Variants in DNAH11 observed in about 807,000 individuals in gnomAD.
The protein encoded by DNAH11 is dynein axonemal heavy chain 11.
DNAH11 carries 442 observed loss-of-function variants against 526.0 expected under a neutral mutation model. The ratio of observed to expected loss-of-function variants is 0.84; its 90% CI spans 0.78 to 0.91. The LOEUF is 0.91. DNAH11 is among the 40% of genes least tolerant of loss of function. The pLI is 0.00. For missense variants in DNAH11, 6,989 were observed against 5,448.7 expected, an observed-to-expected ratio of 1.28 and a Z score of -8.90; for synonymous variants, 2,461 against 1,935.9, an observed-to-expected ratio of 1.27 and a Z score of -7.12.
At chr7:21,801,569 G>A (rs1321222612) in intron 62 of DNAH11, among the ~76,000 whole-genome samples, 1 of 152,126 alleles carries the variant, frequency 6.6e-6, no homozygotes, top group South Asian at 2.1e-4. Flanking sequence ...AGACAATGGA[G>A]TACATCAGCT....
chr7:21,688,822 A>G lies in DNAH11; in HGVS notation c.5924+1295A>G, dbSNP rs1783494199. Among the ~76,000 whole-genome samples the G allele has an allele frequency of 2.0e-5, 3 of 151,986 alleles. No homozygotes were observed. The South Asian group carries it at 6.2e-4, about 32-fold the overall frequency. On this transcript the variant is annotated intron_variant, in intron 34 of 81. Coordinates refer to ENST00000409508, the MANE Select transcript of DNAH11 (RefSeq NM_001277115.2). ...AGCTGGCACTTACGTTTGATGGCTT[A>G]ATTTGAGAAATAAATTAGTATAGTA...
intron 14 of DNAH11, among the ~76,000 whole-genome samples, chr7:21,598,625 A>G (rs1266840622): frequency 6.8e-6 from 1 of 147,332 alleles, no homozygotes; most frequent in African/African-American, 2.5e-5. Context: ...AAATAAATAA[A>G]TTGTGCTTAA....
chr7:21,812,853 G>A (rs894177141), intron 63 of DNAH11, among the ~76,000 whole-genome samples: 2 of 152,170 alleles, frequency 1.3e-5, no homozygotes, highest in Non-Finnish European at 2.9e-5. Context: ...GGCCAGGCCT[G>A]TTGGCAGCTT....
Position 21,582,033 on chromosome 7 carries a change from A to C in DNAH11, c.1710+12A>C. 6.4e-7 allele frequency: 1 copy of C among 1,555,070 alleles called. No homozygotes were observed. Among genetic ancestry groups the C allele is most frequent in the Non-Finnish European group, 8.9e-7 (1 of 1,128,546 alleles). ...AAGCTGCATTTAAGGTTAGTTCTGAAGAAGCTATCATAAAAAACGTTTACT... is the reference window on the plus strand; with the variant it reads ...AAGCTGCATTTAAGGTTAGTTCTGACGAAGCTATCATAAAAAACGTTTACT... On this transcript the variant is annotated intron_variant, in intron 9 of 81. Coordinates refer to ENST00000409508, the MANE Select transcript of DNAH11 (RefSeq NM_001277115.2).
intron 65 of DNAH11, among the ~76,000 whole-genome samples, chr7:21,840,118 A>G (rs1248213836): frequency 2.0e-5 from 3 of 152,242 alleles, no homozygotes; most frequent in Non-Finnish European, 4.4e-5. Context: ...ACATCATCCA[A>G]GAACCACAGA....
chr7:21,666,981 T>G (rs2128468120), intron 30 of DNAH11, among the ~76,000 whole-genome samples: 1 of 152,186 alleles, frequency 6.6e-6, no homozygotes. Context: ...ATTGAATTGA[T>G]AGCTGACTAA....
At chr7:21,580,146 AAGGGAGGGAGGTGACAGATATC>A (rs1265177873) in intron 8 of DNAH11, among the ~76,000 whole-genome samples, 1 of 152,126 alleles carries the variant, frequency 6.6e-6, no homozygotes, top group Non-Finnish European at 1.5e-5. Context: ...AGTGAGTGAG[AAGGGAGGGAGGTGACAGATATC>A]AGGGAGGGAG....
At position 21,543,377 on chromosome 7, in the gene DNAH11, G is replaced by C. The variant is rs1236334789; in HGVS notation, c.132G>C (p.Glu44Asp). 6.4e-7 allele frequency: 1 copy of C among 1,551,548 alleles called. No individual in the cohort carries two copies. The highest frequency in any genetic ancestry group is 1.2e-5 in the South Asian group (1 of 84,066). The stretch of plus-strand genomic sequence containing the variant: ...AGGAGGAGGAGGAGAACGAGGAGGA[G>C]GCGGCGGCCAGGAGAGCGCGGAGTT... ...ELEEEEENEE[E>D]AAARRARSFA... The change falls in exon 1 of 82, where the codon GAG becomes GAC. Residue 44 changes from glutamate to aspartate, a missense_variant. Physicochemically the swap from Glu to Asp is conservative, Grantham distance 45 (BLOSUM62 2). Coordinates refer to ENST00000409508, the MANE Select transcript of DNAH11 (RefSeq NM_001277115.2).
chr7:21,591,309 C>A lies in DNAH11; in HGVS notation c.2399C>A (p.Thr800Lys). The A allele has an allele frequency of 6.2e-7, 1 of 1,613,858 alleles. No homozygotes were observed. Among genetic ancestry groups the A allele is most frequent in the South Asian group, 1.1e-5 (1 of 91,060 alleles). ...RAIDEQLTAATTWLTWQDDCW... is the reference protein window; with the variant it reads ...RAIDEQLTAAKTWLTWQDDCW... ...ATTGACGAGCAGCTGACAGCAGCCA[C>A]AACGTGGCTGACATGGCAGGATGAC... Residue 800 changes from threonine (T) to lysine (K), a missense_variant, in exon 14 of 82, where the codon ACA becomes AAA. Thr to Lys is a moderately conservative substitution (Grantham distance 78). Coordinates refer to ENST00000409508, the MANE Select transcript of DNAH11 (RefSeq NM_001277115.2).
intron 2 of DNAH11, among the ~76,000 whole-genome samples, chr7:21,558,445 A>AT (rs1783309483): frequency 6.6e-6 from 1 of 152,208 alleles, no homozygotes; most frequent in South Asian, 2.1e-4. Flanking sequence ...CATATGATTC[A>AT]GAAAGATTGT....
rs769964282 is a variant in DNAH11 at position 21,704,454 on chromosome 7, G to A, written c.6294G>A (p.Arg2098=). ...PEDQVLMRAL[R]DFNMPKIVTD... is the part of the protein sequence containing the mutation. Reference sequence around the variant, plus strand: ...TCTAGGTACTCATGAGAGCATTAAGGGATTTCAATATGCCCAAAATAGTGA... The same window carrying A: ...TCTAGGTACTCATGAGAGCATTAAGAGATTTCAATATGCCCAAAATAGTGA... Residue 2098 remains arginine, a synonymous_variant, in exon 38 of 82, where the codon AGG becomes AGA. Transcript: ENST00000409508. 2 of 1,613,226 alleles carry A rather than the reference G, an allele frequency of 1.2e-6. No individual in the cohort carries two copies. The highest frequency in any genetic ancestry group is 1.7e-5 in the Admixed American group (1 of 59,906).
At chr7:21,849,465 G>GA (rs1180848410) in intron 66 of DNAH11, among the ~76,000 whole-genome samples, 1 of 152,038 alleles carries the variant, frequency 6.6e-6, no homozygotes, top group African/African-American at 2.4e-5. Context: ...TCTTGTCTAT[G>GA]AAGAAATTTC....
chr7:21,611,331 A>G (rs1261194489), intron 20 of DNAH11, among the ~76,000 whole-genome samples: 1 of 152,062 alleles, frequency 6.6e-6, no homozygotes, highest in African/African-American at 2.4e-5. Context: ...GGATTACCCT[A>G]TCAGCTTTCC....
chr7:21,883,342 A>G (rs1189660515), intron 75 of DNAH11, among the ~76,000 whole-genome samples: 1 of 152,238 alleles, frequency 6.6e-6, no homozygotes, highest in East Asian at 1.9e-4. Flanking sequence ...AGAAGAAGCT[A>G]AAGTATAGCA....
intron 14 of DNAH11, among the ~76,000 whole-genome samples, chr7:21,593,920 A>AAC (rs147341158): frequency 6.7e-5 from 10 of 150,010 alleles, no homozygotes; most frequent in Non-Finnish European, 1.5e-4. Flanking sequence ...CTCTCTCTCT[A>AAC]ACACACACAC....
intron 23 of DNAH11, chr7:21,618,533 A>T (rs780907448): frequency 1.3e-5 from 2 of 156,964 alleles, no homozygotes; most frequent in African/African-American, 4.8e-5. Flanking sequence ...AGGAGAGTCA[A>T]TGTGAGAGAA....
rs756137273 is a variant in DNAH11, at chr7:21,591,317, C to G, written c.2407C>G (p.Leu803Val). Residue 803 changes from leucine (L) to valine (V), a missense_variant, in exon 14 of 82, where the codon CTG (leucine) becomes GTG (valine). Transcript: ENST00000409508. ...DEQLTAATTWLTWQDDCWGYI... is the reference protein window; with the variant it reads ...DEQLTAATTWVTWQDDCWGYI... ...GCAGCTGACAGCAGCCACAACGTGG[C>G]TGACATGGCAGGATGACTGCTGGGG... The G allele has an allele frequency of 2.5e-6, 4 of 1,613,730 alleles. No homozygotes were observed. The highest frequency in any genetic ancestry group is 3.4e-6 in the Non-Finnish European group (4 of 1,179,818).
intron 2 of DNAH11, among the ~76,000 whole-genome samples, chr7:21,550,422 G>A (rs1583473320): frequency 6.6e-6 from 1 of 152,228 alleles, no homozygotes; most frequent in East Asian, 1.9e-4. Context: ...ATTGATCCTT[G>A]GTTTCCATAG....
intron 51 of DNAH11, among the ~76,000 whole-genome samples, chr7:21,748,374 T>G (rs1786247963): frequency 6.6e-6 from 1 of 152,032 alleles, no homozygotes; most frequent in African/African-American, 2.4e-5. Flanking sequence ...ATCCAACTAC[T>G]TGGGAGGTTG....
Sources: allele counts gnomAD v4.1 joint callset (sites outside exome capture counted in the v4.1 genomes callset), GRCh38; gene constraint gnomAD v4.1.1; transcripts MANE v1.5; gene names NCBI Gene and HGNC (gene_info 2026-07-23, HGNC 2026-07-21).